EYA2: variants seen among roughly 807,000 people sequenced by gnomAD.
The protein encoded by EYA2 is EYA transcriptional coactivator and phosphatase 2, also known as protein phosphatase EYA2.
EYA2 carries 31 observed loss-of-function variants against 69.2 expected under a neutral mutation model. The ratio of observed to expected loss-of-function variants is 0.45; its 90% CI spans 0.34 to 0.60. The LOEUF (loss-of-function observed/expected upper bound fraction) is 0.60, where lower values mean the gene tolerates loss of function less well. Ranked by LOEUF, EYA2 falls within the 20% of genes least tolerant of loss-of-function variation. The probability of loss-of-function intolerance (pLI) is 0.02; values close to 1 mark genes in which losing one functional copy is unlikely to be tolerated. For missense variants in EYA2, 622 were observed against 701.2 expected (o/e 0.89, Z 1.28); for synonymous variants, 257 against 279.4 (o/e 0.92, Z 0.80).
At chr20:47,016,438 C>G in intron 5 of EYA2, 141 bp downstream of exon 5, 1 of 651,954 alleles carries the variant, frequency 1.5e-6, no homozygotes, top group Non-Finnish European at 2.7e-6. Context: ...AAAATAGATA[C>G]GAGATCTGCC....
chr20:47,187,726 C>T (rs535585077), intron 15 of EYA2, among the ~76,000 whole-genome samples: 6 of 152,362 alleles, frequency 3.9e-5, no homozygotes, highest in South Asian at 4.1e-4. Flanking sequence ...AAAAAGGAAT[C>T]GCTTTCCCAT....
chr20:47,136,090 T>C (rs2033466721), intron 9 of EYA2, among the ~76,000 whole-genome samples: 2 of 152,100 alleles, frequency 1.3e-5, no homozygotes, highest in Non-Finnish European at 2.9e-5. Flanking sequence ...AGAGTTCTGA[T>C]TCATTAAAAC....
intron 8 of EYA2, among the ~76,000 whole-genome samples, chr20:47,091,362 A>T (rs991566527): frequency 5.9e-5 from 9 of 152,128 alleles, no homozygotes; most frequent in African/African-American, 2.2e-4. Flanking sequence ...TGGTGTTTCC[A>T]TGCTATACAA....
intron 1 of EYA2, among the ~76,000 whole-genome samples, chr20:46,948,409 A>G (rs1171907914): frequency 1.3e-5 from 2 of 152,060 alleles, no homozygotes; most frequent in African/African-American, 4.8e-5. Flanking sequence ...GGTCTACTCT[A>G]TTTCTTTTTT....
rs1281686067 is a variant in EYA2 at position 47,112,368 on chromosome 20, G to C, written c.888+15200G>C. ...GAAAGAGTTGAAGGTGGTGACAAAGGGGGCATGAGAGGGTGTGTCAGGGAA... is the reference window on the plus strand; with the variant it reads ...GAAAGAGTTGAAGGTGGTGACAAAGCGGGCATGAGAGGGTGTGTCAGGGAA... On this transcript the variant is annotated intron_variant, in intron 9 of 15. Transcript: ENST00000327619. 2.0e-5 allele frequency among the ~76,000 whole-genome samples: 3 copies of C among 152,166 alleles called. No homozygotes were observed. The East Asian group carries it at 5.8e-4, about 29-fold the overall frequency.
chr20:47,101,484 C>A (rs182792443), intron 9 of EYA2, among the ~76,000 whole-genome samples: 2 of 152,290 alleles, frequency 1.3e-5, no homozygotes, highest in African/African-American at 4.8e-5. Context: ...CATCTACCTG[C>A]AAGGGAGTCT....
intron 2 of EYA2, among the ~76,000 whole-genome samples, chr20:46,991,930 T>A (rs1981685995): frequency 7.6e-6 from 1 of 132,156 alleles, no homozygotes; most frequent in Admixed American, 9.1e-5. Flanking sequence ...ATCGTACCAT[T>A]GCACTCCAGC....
intron 1 of EYA2, among the ~76,000 whole-genome samples, chr20:46,902,045 C>G (rs1282592345): frequency 6.6e-6 from 1 of 152,126 alleles, no homozygotes; most frequent in African/African-American, 2.4e-5. Context: ...CTCAAAATGT[C>G]TCAGCATTGC....
intron 5 of EYA2, among the ~76,000 whole-genome samples, chr20:47,035,214 G>A (rs1278658779): frequency 6.6e-6 from 1 of 152,134 alleles, no homozygotes; most frequent in Non-Finnish European, 1.5e-5. Context: ...CCACCCTAGT[G>A]AAAGAGGTCG....
chr20:46,976,027 T>G (rs536316911), intron 1 of EYA2, among the ~76,000 whole-genome samples: 1 of 152,308 alleles, frequency 6.6e-6, no homozygotes, highest in African/African-American at 2.4e-5. Flanking sequence ...TGAAGGATGG[T>G]GCTCTGAATA....
At chr20:46,934,995 G>A (rs1463691414) in intron 1 of EYA2, among the ~76,000 whole-genome samples, 1 of 152,232 alleles carries the variant, frequency 6.6e-6, no homozygotes, top group Non-Finnish European at 1.5e-5. Context: ...CAAAGTCCCT[G>A]ATTATATTCT....
In EYA2 at chr20:47,143,047, T is replaced by C; in HGVS notation, c.889-12T>C. On this transcript the variant is annotated splice_polypyrimidine_tract_variant and intron_variant, in intron 9 of 15. Coordinates refer to ENST00000327619, the MANE Select transcript of EYA2 (RefSeq NM_005244.5). ...CCGCGTGCATGTGATTTTCCCCTTC[T>C]CTGCCTCGCAGGACACCACGACGTC... The C allele has an allele frequency of 1.2e-6, 2 of 1,611,346 alleles. No individual in the cohort carries two copies. The highest frequency in any genetic ancestry group is 4.5e-5 in the East Asian group (2 of 44,768).
intron 14 of EYA2, 109 bp downstream of exon 14, chr20:47,181,045 G>T: frequency 6.9e-7 from 1 of 1,442,980 alleles, no homozygotes; most frequent in Non-Finnish European, 9.4e-7. Context: ...AATGGATGGA[G>T]TGTGCCTATG....
chr20:47,093,756 A>C (rs183227803), intron 8 of EYA2, among the ~76,000 whole-genome samples: 9 of 152,332 alleles, frequency 5.9e-5, no homozygotes, highest in African/African-American at 2.2e-4. Flanking sequence ...ATATCTTCTA[A>C]AGACAGTAGT....
chr20:47,080,014 C>T (rs1321427890), intron 7 of EYA2, among the ~76,000 whole-genome samples: 3 of 152,200 alleles, frequency 2.0e-5, no homozygotes, highest in Non-Finnish European at 4.4e-5. Flanking sequence ...GAACACTCCA[C>T]CCAACAGCAG....
At chr20:47,183,240 A>C (rs773860292) in intron 14 of EYA2, 51 bp from the exon 15 acceptor site, 1 of 1,571,570 alleles carries the variant, frequency 6.4e-7, no homozygotes, top group Non-Finnish European at 8.7e-7. Context: ...TATTGGCTGC[A>C]ATCCGGGGTC....
At chr20:47,181,630 C>G (rs573013767) in intron 14 of EYA2, among the ~76,000 whole-genome samples, 35 of 152,250 alleles carry the variant, frequency 2.3e-4, no homozygotes, top group South Asian at 8.3e-4. Context: ...CACCTCAGCC[C>G]CCAAAGTACT....
At chr20:46,993,968 A>C (rs1272861294) in intron 2 of EYA2, among the ~76,000 whole-genome samples, 1 of 152,272 alleles carries the variant, frequency 6.6e-6, no homozygotes, top group East Asian at 1.9e-4. Context: ...AAACATATGT[A>C]CATATGCATA....
intron 10 of EYA2, among the ~76,000 whole-genome samples, chr20:47,160,485 G>A (rs1434184292): frequency 6.6e-6 from 1 of 152,170 alleles, no homozygotes; most frequent in Non-Finnish European, 1.5e-5. Flanking sequence ...TTGGACCACG[G>A]TGGGGCGGGG....
Sources: allele counts gnomAD v4.1 joint callset (sites outside exome capture counted in the v4.1 genomes callset), GRCh38; gene constraint gnomAD v4.1.1; transcripts MANE v1.5; gene names NCBI Gene and HGNC (gene_info 2026-07-23, HGNC 2026-07-21).